The following SPOCK1 variants were observed in gnomAD, a reference collection of about 807,000 sequenced individuals.
The protein encoded by SPOCK1 is SPARC (osteonectin), cwcv and kazal like domains proteoglycan 1.
A neutral mutation model predicts 55.3 loss-of-function variants in SPOCK1; 23 were observed. The observed-to-expected ratio is 0.42, with a 90% CI of 0.30 to 0.59. SPOCK1 has a LOEUF of 0.59. Among genes scored for constraint, SPOCK1 ranks in the 20% least tolerant of loss-of-function variants. The pLI is 0.22. For synonymous variants in SPOCK1, 226 were observed against 221.0 expected, an observed-to-expected ratio of 1.02 and a Z score of -0.20; for missense variants, 499 against 552.5, an observed-to-expected ratio of 0.90 and a Z score of 0.97.
intron 2 of SPOCK1, among the ~76,000 whole-genome samples, chr5:137,338,589 G>A (rs568607082): frequency 2.9e-4 from 44 of 151,876 alleles, no homozygotes; most frequent in African/African-American, 1.0e-3. Context: ...CTGAGGAATC[G>A]CCACACTGAC....
chr5:137,150,195 A>G (rs188725598), intron 3 of SPOCK1, among the ~76,000 whole-genome samples: 7 of 152,286 alleles, frequency 4.6e-5, no homozygotes, highest in Non-Finnish European at 7.3e-5. Flanking sequence ...AAGCTTTTCA[A>G]CATCAAGCAT....
chr5:137,491,201 C>A (rs902876929), intron 2 of SPOCK1, among the ~76,000 whole-genome samples: 9 of 152,178 alleles, frequency 5.9e-5, no homozygotes, highest in African/African-American at 2.2e-4. Context: ...AAGACTGGAA[C>A]GTGACCTCAG....
chr5:137,033,332 A>T (rs996174278), intron 6 of SPOCK1, among the ~76,000 whole-genome samples: 1 of 152,218 alleles, frequency 6.6e-6, no homozygotes, highest in Non-Finnish European at 1.5e-5. Context: ...TGAACATGCT[A>T]CGTGCCTTCG....
At chr5:137,420,343 A>G (rs1239980117) in intron 2 of SPOCK1, among the ~76,000 whole-genome samples, 1 of 152,008 alleles carries the variant, frequency 6.6e-6, no homozygotes, top group African/African-American at 2.4e-5. Context: ...CTCTTTTTCT[A>G]TTGATTGGAA....
intron 6 of SPOCK1, 50 bp from the exon 7 acceptor site, chr5:136,992,650 T>C: frequency 3.4e-6 from 5 of 1,482,624 alleles, no homozygotes; most frequent in South Asian, 1.2e-5. Context: ...CTTTCTGCCT[T>C]CTGTGTGCAG....
intron 2 of SPOCK1, among the ~76,000 whole-genome samples, chr5:137,341,243 T>C (rs1750417354): frequency 6.6e-6 from 1 of 152,224 alleles, no homozygotes; most frequent in South Asian, 2.1e-4. Flanking sequence ...TTCTATCCTC[T>C]CCTAATGTGC....
At chr5:137,054,056 T>A (rs1752257765) in intron 6 of SPOCK1, among the ~76,000 whole-genome samples, 1 of 152,088 alleles carries the variant, frequency 6.6e-6, no homozygotes, top group South Asian at 2.1e-4. Context: ...CATGTCTGTG[T>A]GTATGTGTGT....
intron 4 of SPOCK1, among the ~76,000 whole-genome samples, chr5:137,138,712 C>A (rs377396924): frequency 9.3e-4 from 115 of 124,156 alleles, no homozygotes; most frequent in African/African-American, 2.4e-3. Context: ...CCCCCCCCCC[C>A]CAAAAAAAAG....
intron 5 of SPOCK1, among the ~76,000 whole-genome samples, chr5:137,076,332 C>T (rs1386570287): frequency 6.6e-6 from 1 of 152,228 alleles, no homozygotes; most frequent in Non-Finnish European, 1.5e-5. Flanking sequence ...GAAATAGTAT[C>T]TTTGACTAGA....
chr5:137,388,304 C>A (rs1272075515), intron 2 of SPOCK1, among the ~76,000 whole-genome samples: 1 of 149,888 alleles, frequency 6.7e-6, no homozygotes, highest in South Asian at 2.1e-4. Flanking sequence ...AAGCACATGG[C>A]AGACCAAGAA....
intron 2 of SPOCK1, among the ~76,000 whole-genome samples, chr5:137,331,294 G>A (rs1335524018): frequency 3.3e-5 from 5 of 152,140 alleles, no homozygotes; most frequent in African/African-American, 1.2e-4. Context: ...TCCATAAGAC[G>A]TCTTCCAACT....
intron 6 of SPOCK1, among the ~76,000 whole-genome samples, chr5:137,017,035 G>A (rs932583969): frequency 1.3e-5 from 2 of 152,214 alleles, no homozygotes; most frequent in African/African-American, 4.8e-5. Flanking sequence ...AGCATGCTGT[G>A]GCCCCCACAG....
At chr5:137,399,558 G>A (rs978503860) in intron 2 of SPOCK1, among the ~76,000 whole-genome samples, 11 of 151,234 alleles carry the variant, frequency 7.3e-5, no homozygotes, top group African/African-American at 9.7e-5. Context: ...CTCCATCATC[G>A]AAAACATTTA....
intron 2 of SPOCK1, among the ~76,000 whole-genome samples, chr5:137,458,022 T>G (rs1753404010): frequency 6.6e-6 from 1 of 152,216 alleles, no homozygotes; most frequent in South Asian, 2.1e-4. Context: ...AGGTGTCTTT[T>G]AAAGAGAGGT....
At chr5:137,036,412 C>T (rs914273035) in intron 6 of SPOCK1, among the ~76,000 whole-genome samples, 1 of 152,172 alleles carries the variant, frequency 6.6e-6, no homozygotes, top group African/African-American at 2.4e-5. Flanking sequence ...ATCCCATCTG[C>T]TCCTGTGTCC....
intron 5 of SPOCK1, among the ~76,000 whole-genome samples, chr5:137,068,619 C>A (rs1179018632): frequency 2.0e-5 from 3 of 152,142 alleles, no homozygotes; most frequent in African/African-American, 7.2e-5. Flanking sequence ...GTGCAAAAGA[C>A]CACAACAATT....
chr5:137,268,044 G>A (rs140670271), intron 2 of SPOCK1, among the ~76,000 whole-genome samples: 1 of 152,326 alleles, frequency 6.6e-6, no homozygotes, highest in African/African-American at 2.4e-5. Flanking sequence ...ATCTCTTCTG[G>A]TAAAGCTAAT....
chr5:137,174,335 G>C (rs905177610), intron 3 of SPOCK1, among the ~76,000 whole-genome samples: 1 of 152,184 alleles, frequency 6.6e-6, no homozygotes, highest in African/African-American at 2.4e-5. Context: ...CCCCTCCACG[G>C]GGAAGAGACA....
chr5:137,477,760 C>A (rs1021240556), intron 2 of SPOCK1, among the ~76,000 whole-genome samples: 11 of 152,302 alleles, frequency 7.2e-5, no homozygotes, highest in Admixed American at 5.9e-4. Flanking sequence ...CTCCACATGT[C>A]AGCTCAGACA....
Sources: allele counts gnomAD v4.1 joint callset (sites outside exome capture counted in the v4.1 genomes callset), GRCh38; gene constraint gnomAD v4.1.1; transcripts MANE v1.5; gene names NCBI Gene and HGNC (gene_info 2026-07-23, HGNC 2026-07-21).